Variants in SELENOS observed in about 807,000 individuals in gnomAD.
The protein encoded by SELENOS is selenoprotein S.
SELENOS carries 37 observed loss-of-function variants against 30.2 expected under a neutral mutation model. The ratio of observed to expected loss-of-function variants is 1.23; its 90% CI spans 0.94 to 1.61. The LOEUF is 1.61. SELENOS is among the 40% of genes most tolerant of loss of function. The pLI, the probability that SELENOS is intolerant of heterozygous loss-of-function variation, is 0.00. For synonymous variants in SELENOS, 119 were observed against 91.6 expected (o/e 1.30, Z -1.71); for missense variants, 289 against 231.8 (o/e 1.25, Z -1.60).
rs1382206803 is a variant in SELENOS at position 101,272,780 on chromosome 15, T to C, written c.561A>G (p.Gly187=). The change falls in exon 6 of 6, where the codon GGA becomes GGG. Residue 187 remains glycine, a synonymous_variant. Transcript: ENST00000526049. ...RPGRRGPSSG[G]UG ...GACACTAACAAGATTCTTAGCCTCA[T>C]CCGCCAGATGACGGGCCTCTGCGTC... 6.2e-7 allele frequency: 1 copy of C among 1,608,378 alleles called. No homozygotes were observed. The highest frequency in any genetic ancestry group is 8.5e-7 in the Non-Finnish European group (1 of 1,177,388).
chr15:101,274,423 C>T lies in SELENOS; in HGVS notation c.481G>A (p.Gly161Arg), dbSNP rs755666599. Residue 161 changes from glycine to arginine, a missense_variant, in exon 5 of 6, where the codon GGA becomes AGA. Physicochemically the swap from Gly to Arg is moderately radical, Grantham distance 125 (BLOSUM62 -2). Transcript: ENST00000526049. ...RKSDRKPLRGGGYNPLSGEGG... is the reference protein window; with the variant it reads ...RKSDRKPLRGRGYNPLSGEGG... ...ATTTGACATCAGTGGTGCTTACCTC[C>T]TCCCCGCAAAGGCTTTCTGTCCGAT... The T allele has an allele frequency of 1.4e-5, 23 of 1,606,880 alleles. 1 individual carries two copies. In the South Asian group the frequency reaches 2.6e-4, roughly 18 times the overall value.
At chr15:101,270,868 T>G (rs1025263342), downstream of SELENOS, 1 of 152,110 alleles carries the variant, frequency 6.6e-6, no homozygotes, top group Non-Finnish European at 1.5e-5. Flanking sequence ...TCCCCTCCAT[T>G]ATCTCCTAAT....
intron 5 of SELENOS, among the ~76,000 whole-genome samples, 151 bp from the exon 6 acceptor site, chr15:101,273,007 T>TG (rs201801381): frequency 1.6e-4 from 24 of 150,488 alleles, no homozygotes; most frequent in Non-Finnish European, 3.1e-4. Context: ...TTTAGCTATG[T>TG]GAAAAAAAAA....
intron 1 of SELENOS, 88 bp downstream of exon 1, chr15:101,277,254 C>T (rs943353314): frequency 1.3e-6 from 2 of 1,519,096 alleles, no homozygotes; most frequent in Non-Finnish European, 1.8e-6. Context: ...CAGGCTCCGG[C>T]GCCCGGTGCA....
chr15:101,275,161 C>T, intron 3 of SELENOS, 94 bp downstream of exon 3: 2 of 1,108,502 alleles, frequency 1.8e-6, no homozygotes, highest in Non-Finnish European at 2.5e-6. Context: ...GGACCTGGTC[C>T]TAGAAGCTTA....
chr15:101,274,463 A>ACAT lies in SELENOS; in HGVS notation c.440_441insATG (p.Ser147_Val148insCys). 6.2e-7 allele frequency: 1 copy of ACAT among 1,609,822 alleles called. No individual in the cohort carries two copies. On this transcript the variant is annotated inframe_insertion, in exon 5 of 6. Transcript: ENST00000526049. ...TTCTGTCCGATTTCCGTTTCAGGAC[A>ACAT]GATGAAGTGGAAGGCCCAGGACTGT...
At chr15:101,274,943 AG>A in intron 3 of SELENOS, 1 of 581,606 alleles carries the variant, frequency 1.7e-6, no homozygotes, top group Non-Finnish European at 3.0e-6. Flanking sequence ...CACTCCTGTC[AG>A]GACATTTTTG....
chr15:101,275,388 A>G (rs747289222), intron 2 of SELENOS, 27 bp from the exon 3 acceptor site: 20 of 1,528,332 alleles, frequency 1.3e-5, no homozygotes, highest in Middle Eastern at 3.4e-4. Flanking sequence ...AAATGGAGAT[A>G]AAGCACTGTG....
intron 2 of SELENOS, chr15:101,276,316 A>G: frequency 2.5e-6 from 1 of 398,408 alleles, no homozygotes; most frequent in Non-Finnish European, 4.4e-6. Context: ...TGGCCCGAGC[A>G]TAGCCCACTG....
chr15:101,277,296 G>C (rs1596466924), intron 1 of SELENOS, 46 bp downstream of exon 1: 2 of 1,510,414 alleles, frequency 1.3e-6, no homozygotes, highest in Non-Finnish European at 1.8e-6. Context: ...ATGGCTGCGC[G>C]TCGCAAAAGT....
Position 101,273,697 on chromosome 15 carries a change from G to C in SELENOS, c.484+723C>G, listed in dbSNP as rs79154549. ...CCAGGTTTAGTCTTCTGACACAAAG[G>C]GGATTACAGCTCAGCGTTTAAGGTC... On this transcript the variant is annotated intron_variant, in intron 5 of 5. Transcript: ENST00000526049. Among the ~76,000 whole-genome samples the C allele has an allele frequency of 3.7e-4, 56 of 152,288 alleles. 2 individuals carry two copies. The East Asian group carries it at 0.01, about 27-fold the overall frequency.
chr15:101,272,586 C>G lies in SELENOS; in HGVS notation c.*185G>C, dbSNP rs1668984484. 1.8e-6 allele frequency: 1 copy of G among 564,110 alleles called. No homozygotes were observed. 34.9% of individuals were successfully genotyped at this position (564,110 alleles called of 1,614,324 possible). ...CTCCAAGTAGAATGTGACCAATGAC[C>G]TCATGCCTAGAGGCAACATCTATAC... On this transcript the variant is annotated 3_prime_UTR_variant, in exon 6 of 6. Transcript: ENST00000526049.
chr15:101,274,944 G>A (rs944499402), intron 3 of SELENOS: 2 of 577,476 alleles, frequency 3.5e-6, no homozygotes, highest in Non-Finnish European at 6.0e-6. Flanking sequence ...ACTCCTGTCA[G>A]GACATTTTTG....
rs185816886 is a variant in SELENOS, at chr15:101,272,311, C to T, written c.*460G>A. ...TAAATAGTTTCGTTTTTACAAAGTT[C>T]TGTACATAAAAATAAATATACAGAA... On this transcript the variant is annotated 3_prime_UTR_variant, in exon 6 of 6. Transcript: ENST00000526049. 1 of 152,820 alleles carries T rather than the reference C, an allele frequency of 6.5e-6. No homozygotes were observed. The highest frequency in any genetic ancestry group is 1.9e-4 in the East Asian group (1 of 5,206). 9.5% of individuals were successfully genotyped at this position (152,820 alleles called of 1,614,324 possible). A position where few individuals can be genotyped will look rare whatever the true frequency, so the allele number is the denominator to read the frequency against.
In SELENOS at chr15:101,275,158, G is replaced by A; in HGVS notation, c.318+97C>T. ...ATTGAATCTAATGGGATAGGACCTG[G>A]TCCTAGAAGCTTATAGACAACACAG... On this transcript the variant is annotated intron_variant, in intron 3 of 5. Transcript: ENST00000526049. 5 of 1,034,170 alleles carry A rather than the reference G, an allele frequency of 4.8e-6. No individual in the cohort carries two copies. The South Asian group carries it at 8.8e-5, about 18-fold the overall frequency. The allele number at this position is 1,034,170 out of a possible 1,614,324, so 64.1% of individuals were successfully genotyped here. A position where few individuals can be genotyped will look rare whatever the true frequency, so the allele number is the denominator to read the frequency against.
chr15:101,274,830 T>C, intron 3 of SELENOS, 149 bp from the exon 4 acceptor site: 1 of 846,096 alleles, frequency 1.2e-6, no homozygotes, highest in African/African-American at 1.7e-5. Flanking sequence ...TGTGATCTGG[T>C]AGTGTGAGTT....
intron 2 of SELENOS, 159 bp downstream of exon 2, chr15:101,276,382 G>A (rs1011847410): frequency 3.2e-6 from 3 of 950,994 alleles, no homozygotes; most frequent in African/African-American, 1.7e-5. Flanking sequence ...CTGAGCAGCT[G>A]GGACTACAGG....
intron 5 of SELENOS, 49 bp downstream of exon 5, chr15:101,274,371 T>C: frequency 1.3e-6 from 2 of 1,546,500 alleles, no homozygotes. Context: ...GGTAACTATA[T>C]CCTGTAAGTG....
intron 2 of SELENOS, among the ~76,000 whole-genome samples, chr15:101,276,126 T>C (rs1170273944): frequency 6.6e-6 from 1 of 152,054 alleles, no homozygotes. Flanking sequence ...TTTCACCATG[T>C]TGGCCAGGCT....
Sources: allele counts gnomAD v4.1 joint callset (sites outside exome capture counted in the v4.1 genomes callset), GRCh38; gene constraint gnomAD v4.1.1; transcripts MANE v1.5; gene names NCBI Gene and HGNC (gene_info 2026-07-23, HGNC 2026-07-21).